The following ATP8B4 variants were observed in gnomAD, a reference collection of about 807,000 sequenced individuals.
ATP8B4 encodes probable phospholipid-transporting ATPase IM.
Under a neutral mutation model 145.6 loss-of-function variants are expected in ATP8B4, and 133 were observed. The ratio of observed to expected loss-of-function variants is 0.91; its 90% CI spans 0.79 to 1.05. ATP8B4 has a LOEUF of 1.05. Among genes scored for constraint, ATP8B4 ranks in the 50% least tolerant of loss-of-function variants. The probability of loss-of-function intolerance (pLI) is 0.00; values close to 1 mark genes in which losing one functional copy is unlikely to be tolerated. For synonymous variants in ATP8B4, 507 were observed against 492.9 expected (o/e 1.03, Z -0.38); for missense variants, 1,458 against 1,425.2 (o/e 1.02, Z -0.37).
intron 14 of ATP8B4, among the ~76,000 whole-genome samples, chr15:49,959,054 A>C (rs1274699756): frequency 6.6e-6 from 1 of 152,024 alleles, no homozygotes; most frequent in Non-Finnish European, 1.5e-5. Context: ...TACAAAGATC[A>C]ATGTGCATAT....
Position 50,072,980 on chromosome 15 carries a change from C to CTATA in ATP8B4, c.87+1143_87+1146dup, listed in dbSNP as rs374525582. On this transcript the variant is annotated intron_variant, in intron 3 of 27. Coordinates refer to ENST00000284509, the MANE Select transcript of ATP8B4 (RefSeq NM_024837.4). ...TCTCTCTCTCTCTCTCTCTCTCTCT[C>CTATA]TATATATATATATATATATATATAT... 6.0e-3 allele frequency among the ~76,000 whole-genome samples: 136 copies of CTATA among 22,814 alleles called. 2 individuals are homozygous for CTATA. The highest frequency in any genetic ancestry group is 7.2e-3 in the Non-Finnish European group (97 of 13,384). The allele number at this position is 22,814 out of a possible 152,430, so 15.0% of individuals were successfully genotyped here. A position where few individuals can be genotyped will look rare whatever the true frequency, so the allele number is the denominator to read the frequency against.
At chr15:49,994,687 G>C (rs1378131995) in intron 9 of ATP8B4, among the ~76,000 whole-genome samples, 3 of 151,904 alleles carry the variant, frequency 2.0e-5, no homozygotes, top group Non-Finnish European at 4.4e-5. Context: ...GCTGAAGAGG[G>C]GGATGCTTAA....
intron 6 of ATP8B4, among the ~76,000 whole-genome samples, chr15:50,019,537 T>A (rs2049363866): frequency 6.6e-6 from 1 of 152,228 alleles, no homozygotes; most frequent in South Asian, 2.1e-4. Flanking sequence ...ACTGTGACTA[T>A]TTTTTATTAT....
In ATP8B4 at chr15:50,028,349, T is replaced by C. The variant is rs1396971357; in HGVS notation, c.362+10419A>G. 2.6e-5 allele frequency among the ~76,000 whole-genome samples: 4 copies of C among 152,164 alleles called. No homozygotes were observed. The East Asian group carries it at 5.8e-4, about 22-fold the overall frequency. ...ACATGCCTAACATGGAATAAGGAAA[T>C]AGATCTCAGTATTTTAGAAAACTGG... On this transcript the variant is annotated intron_variant, in intron 6 of 27. Coordinates refer to ENST00000284509, the MANE Select transcript of ATP8B4 (RefSeq NM_024837.4).
chr15:50,103,063 T>C (rs1192848169), intron 2 of ATP8B4, among the ~76,000 whole-genome samples: 1 of 152,112 alleles, frequency 6.6e-6, no homozygotes, highest in East Asian at 1.9e-4. Flanking sequence ...ATTAAAACCC[T>C]CAGCAAAATC....
Position 49,897,647 on chromosome 15 carries a change from T to G in ATP8B4, c.2474-132A>C, listed in dbSNP as rs2037555217. On this transcript the variant is annotated intron_variant, in intron 22 of 27. Coordinates refer to ENST00000284509, the MANE Select transcript of ATP8B4 (RefSeq NM_024837.4). The stretch of plus-strand genomic sequence containing the variant: ...ATAATTTTTCACATATATTATCTGA[T>G]GAAACACTTATGATAGATATTTCTC... The G allele has an allele frequency of 6.8e-6, 5 of 736,528 alleles. No individual in the cohort carries two copies. The East Asian group carries it at 1.4e-4, about 21-fold the overall frequency. 45.6% of individuals were successfully genotyped at this position (736,528 alleles called of 1,614,324 possible).
intron 13 of ATP8B4, among the ~76,000 whole-genome samples, chr15:49,962,517 T>G (rs186061144): frequency 1.3e-5 from 2 of 152,196 alleles, no homozygotes; most frequent in African/African-American, 4.8e-5. Context: ...TCAGAAAACA[T>G]AGCCACCCAT....
At chr15:50,124,635 T>C (rs1595625630) in intron 1 of ATP8B4, among the ~76,000 whole-genome samples, 1 of 152,290 alleles carries the variant, frequency 6.6e-6, no homozygotes, top group South Asian at 2.1e-4. Flanking sequence ...CCTAAATTTA[T>C]GGGTGCTAAA....
intron 5 of ATP8B4, among the ~76,000 whole-genome samples, chr15:50,041,036 A>G (rs1457952342): frequency 6.6e-6 from 1 of 152,248 alleles, no homozygotes; most frequent in Non-Finnish European, 1.5e-5. Context: ...AACTGTTAGT[A>G]CATGGTAGGG....
intron 1 of ATP8B4, among the ~76,000 whole-genome samples, chr15:50,117,302 A>G (rs1356816100): frequency 1.3e-5 from 2 of 152,178 alleles, no homozygotes; most frequent in African/African-American, 2.4e-5. Flanking sequence ...CACTTGCCTC[A>G]GCCTCCCAAA....
intron 24 of ATP8B4, chr15:49,876,791 G>C: frequency 1.0e-5 from 6 of 591,150 alleles, no homozygotes; most frequent in Non-Finnish European, 1.9e-5. Context: ...ACCAGGGCTT[G>C]GTTTGAGCCT....
At chr15:49,942,474 G>GA (rs1267185236) in intron 14 of ATP8B4, among the ~76,000 whole-genome samples, 2 of 151,828 alleles carry the variant, frequency 1.3e-5, no homozygotes, top group Non-Finnish European at 1.5e-5. Flanking sequence ...CAAAAAAGAA[G>GA]AAAAAAATAG....
Position 49,874,443 on chromosome 15 carries a change from G to A in ATP8B4, c.3027+1835C>T, listed in dbSNP as rs1043663722. Among the ~76,000 whole-genome samples the A allele has an allele frequency of 3.1e-4, 47 of 152,170 alleles. 1 individual carries two copies. The highest frequency in any genetic ancestry group is 2.3e-3 in the Admixed American group (35 of 15,276). The stretch of plus-strand genomic sequence containing the variant: ...GAACAAAAGCCAGTGTGGCTGGGGC[G>A]TGTGAGTAATGGGATTGGAGGGATG... On this transcript the variant is annotated intron_variant, in intron 25 of 27. Coordinates refer to ENST00000284509, the MANE Select transcript of ATP8B4 (RefSeq NM_024837.4).
At chr15:49,961,748 T>C (rs565061007) in intron 14 of ATP8B4, among the ~76,000 whole-genome samples, 6 of 152,302 alleles carry the variant, frequency 3.9e-5, no homozygotes, top group African/African-American at 1.4e-4. Context: ...GGAAATATAA[T>C]TCCTTGTATC....
intron 3 of ATP8B4, among the ~76,000 whole-genome samples, chr15:50,048,622 C>T (rs765199278): frequency 2.6e-5 from 4 of 151,520 alleles, no homozygotes; most frequent in South Asian, 2.1e-4. Flanking sequence ...GCAGGAGAAT[C>T]GCTTGAACCC....
chr15:50,007,049 C>T (rs1217108993), intron 7 of ATP8B4, among the ~76,000 whole-genome samples: 4 of 151,612 alleles, frequency 2.6e-5, no homozygotes, highest in Admixed American at 2.6e-4. Context: ...GCAATTCAGC[C>T]CACAAGTATT....
chr15:49,986,056 T>G (rs1011290193), intron 10 of ATP8B4, among the ~76,000 whole-genome samples: 4 of 152,182 alleles, frequency 2.6e-5, no homozygotes, highest in Non-Finnish European at 4.4e-5. Context: ...CCTATTCAAC[T>G]TACCAACCAA....
At chr15:50,076,970 A>T (rs1226513585) in intron 2 of ATP8B4, among the ~76,000 whole-genome samples, 2 of 152,160 alleles carry the variant, frequency 1.3e-5, no homozygotes, top group Non-Finnish European at 2.9e-5. Flanking sequence ...CACATCCTGG[A>T]AAAAAAGGAC....
chr15:49,973,874 A>C (rs1357354059), intron 12 of ATP8B4, among the ~76,000 whole-genome samples: 28 of 152,140 alleles, frequency 1.8e-4, no homozygotes, highest in Admixed American at 1.8e-3. Flanking sequence ...TGTTCACTGC[A>C]TTTCTTATCA....
Sources: allele counts gnomAD v4.1 joint callset (sites outside exome capture counted in the v4.1 genomes callset), GRCh38; gene constraint gnomAD v4.1.1; transcripts MANE v1.5; gene names NCBI Gene and HGNC (gene_info 2026-07-23, HGNC 2026-07-21).